Variants in RBFOX3 observed in about 807,000 individuals in gnomAD.
The protein encoded by RBFOX3 is RNA binding protein fox-1 homolog 3.
RBFOX3 carries 17 observed loss-of-function variants against 48.7 expected under a neutral mutation model. That is an observed-to-expected ratio of 0.35 (90% CI 0.24 to 0.52). The LOEUF (loss-of-function observed/expected upper bound fraction) is 0.52. RBFOX3 is among the 20% of genes least tolerant of loss of function. The probability of loss-of-function intolerance (pLI) is 0.94; values close to 1 mark genes in which losing one functional copy is unlikely to be tolerated. For missense variants in RBFOX3, 382 were observed against 497.5 expected (o/e 0.77, Z 2.21); for synonymous variants, 212 against 209.5 (o/e 1.01, Z -0.10).
intron 9 of RBFOX3, chr17:79,099,124 CTT>C (rs927522627): frequency 1.3e-5 from 2 of 152,336 alleles, no homozygotes; most frequent in Non-Finnish European, 2.9e-5. Flanking sequence ...AAGGAAGAAA[CTT>C]TTTTTGGGGG....
chr17:79,572,352 T>C (rs1361083198), intron 1 of RBFOX3, among the ~76,000 whole-genome samples: 1 of 151,948 alleles, frequency 6.6e-6, no homozygotes, highest in African/African-American at 2.4e-5. Context: ...GAGTGGCTTC[T>C]CCTCAGGCAA....
At chr17:79,614,918 C>T (rs942290146), upstream of RBFOX3, among the ~76,000 whole-genome samples, 26 of 152,028 alleles carry the variant, frequency 1.7e-4, no homozygotes, top group African/African-American at 6.0e-4. Context: ...CCATAGGGCC[C>T]CCAGAGAGAA....
intron 14 of RBFOX3, 43 bp downstream of exon 14, chr17:79,094,408 G>C: frequency 7.0e-7 from 1 of 1,424,070 alleles, no homozygotes; most frequent in Non-Finnish European, 9.4e-7. Flanking sequence ...ATGCCCAGCT[G>C]TTAGGACTGG....
chr17:79,537,149 A>G lies in RBFOX3; in HGVS notation c.-319-54551T>C, dbSNP rs191193347. On this transcript the variant is annotated intron_variant, in intron 1 of 14. Coordinates refer to ENST00000693108, the MANE Select transcript of RBFOX3 (RefSeq NM_001350451.2). The stretch of plus-strand genomic sequence containing the variant: ...AAAAAAAACCAAAAAAGCAACACAC[A>G]TTTATCCTCTTACAGTTCAGAGTCT... Among the ~76,000 whole-genome samples, 29 of 152,066 alleles carry G rather than the reference A, an allele frequency of 1.9e-4. No homozygotes were observed. In the East Asian group the frequency reaches 5.4e-3, roughly 28 times the overall value.
chr17:79,300,650 A>G (rs374001438), intron 3 of RBFOX3, among the ~76,000 whole-genome samples: 18 of 152,222 alleles, frequency 1.2e-4, no homozygotes, highest in African/African-American at 4.1e-4. Context: ...TGGAGAGACC[A>G]TTTCGGATAA....
In RBFOX3 at chr17:79,107,082, C is replaced by T. The variant is rs551580786; in HGVS notation, c.223-294G>A. 1.2e-4 allele frequency among the ~76,000 whole-genome samples: 19 copies of T among 152,350 alleles called. No individual in the cohort carries two copies. The South Asian group carries it at 1.9e-3, about 15-fold the overall frequency. On this transcript the variant is annotated intron_variant, in intron 5 of 14. Coordinates refer to ENST00000693108, the MANE Select transcript of RBFOX3 (RefSeq NM_001350451.2). ...AGGCCTCCTGGCCTGCTCTGTTCCCCGCTCCCGCAGCCCAGGCCTGTCCAC... is the reference window on the plus strand; with the variant it reads ...AGGCCTCCTGGCCTGCTCTGTTCCCTGCTCCCGCAGCCCAGGCCTGTCCAC...
At chr17:79,233,084 A>G (rs2061224356) in intron 4 of RBFOX3, among the ~76,000 whole-genome samples, 1 of 152,204 alleles carries the variant, frequency 6.6e-6, no homozygotes, top group South Asian at 2.1e-4. Flanking sequence ...ACAGCCCCAG[A>G]CTGGAAACAG....
intron 4 of RBFOX3, among the ~76,000 whole-genome samples, chr17:79,227,992 G>T (rs2060523355): frequency 6.6e-6 from 1 of 152,194 alleles, no homozygotes; most frequent in African/African-American, 2.4e-5. Flanking sequence ...AAGGGGCCCT[G>T]CGGTCAGCGT....
chr17:79,393,616 C>G (rs1019247919), intron 2 of RBFOX3, among the ~76,000 whole-genome samples: 13 of 152,072 alleles, frequency 8.5e-5, no homozygotes, highest in African/African-American at 3.1e-4. Flanking sequence ...TCACATACAT[C>G]GGAGCCGGTC....
intron 2 of RBFOX3, among the ~76,000 whole-genome samples, chr17:79,455,271 C>T (rs8069280): frequency 0.49 from 74,647 of 151,844 alleles, 19,820 homozygotes; most frequent in Non-Finnish European, 0.59. Context: ...GACGGGGGAG[C>T]GGAGAGGGGG....
intron 1 of RBFOX3, among the ~76,000 whole-genome samples, chr17:79,554,265 C>T (rs1016630626): frequency 2.0e-5 from 3 of 152,060 alleles, no homozygotes; most frequent in Admixed American, 1.3e-4. Context: ...TTTTTATTGG[C>T]TGTGAATTTA....
rs147472360 is a variant in RBFOX3, at chr17:79,097,173, TCC to T, written c.755+117_755+118del. The T allele has an allele frequency of 1.1e-3, 717 of 664,166 alleles. 2 individuals carry two copies. Among genetic ancestry groups the T allele is most frequent in the African/African-American group, 6.8e-3 (331 of 48,994 alleles). The allele number at this position is 664,166 out of a possible 1,614,324, so 41.1% of individuals were successfully genotyped here. On this transcript the variant is annotated intron_variant, in intron 11 of 14. Coordinates refer to ENST00000693108, the MANE Select transcript of RBFOX3 (RefSeq NM_001350451.2). ...CTGAGTTCTGGGGCTCCCACGATCC[TCC>T]CCCCCCCCAGGTCTGGAAAGGCTGC...
At chr17:79,094,792 G>A (rs1257398072) in intron 13 of RBFOX3, among the ~76,000 whole-genome samples, 3 of 151,548 alleles carry the variant, frequency 2.0e-5, no homozygotes, top group Non-Finnish European at 4.4e-5. Flanking sequence ...GAGGGGGTGT[G>A]TTCCACTCAG....
chr17:79,360,963 T>C (rs749220958), intron 2 of RBFOX3, among the ~76,000 whole-genome samples: 9 of 152,100 alleles, frequency 5.9e-5, no homozygotes, highest in Non-Finnish European at 1.3e-4. Context: ...GAGTAATTGT[T>C]GGGAGAGAGA....
the RBFOX3 span, among the ~76,000 whole-genome samples, chr17:79,659,459 C>T: frequency 6.6e-6 from 1 of 151,828 alleles, no homozygotes; most frequent in Non-Finnish European, 1.5e-5. Context: ...AAGACTGGGG[C>T]GGGAAAGCAC....
At chr17:79,474,121 A>AG (rs1491481199) in intron 2 of RBFOX3, among the ~76,000 whole-genome samples, 1 of 103,674 alleles carries the variant, frequency 9.6e-6, no homozygotes, top group Non-Finnish European at 2.3e-5. Flanking sequence ...GTCAATGCAG[A>AG]AAAAAAAAAA....
chr17:79,193,126 G>C (rs763136068), intron 4 of RBFOX3, among the ~76,000 whole-genome samples: 3 of 152,336 alleles, frequency 2.0e-5, no homozygotes, highest in South Asian at 2.1e-4. Flanking sequence ...TTGCTCGGTG[G>C]GGGCAGGGGC....
intron 1 of RBFOX3, among the ~76,000 whole-genome samples, chr17:79,517,077 G>A (rs1294509523): frequency 4.1e-4 from 62 of 152,230 alleles, no homozygotes; most frequent in Non-Finnish European, 1.9e-4. Context: ...TGAAGGTGCC[G>A]AATGCCACTG....
intron 4 of RBFOX3, among the ~76,000 whole-genome samples, chr17:79,137,805 C>G (rs567924374): frequency 3.3e-4 from 51 of 152,314 alleles, no homozygotes; most frequent in African/African-American, 1.2e-3. Flanking sequence ...GTCTGCTCCA[C>G]TTGCTTTATT....
Sources: gnomAD v4.1 joint callset for allele counts (sites outside exome capture counted in the v4.1 genomes callset) on GRCh38, gnomAD v4.1.1 for gene constraint, MANE v1.5 for transcripts, NCBI Gene and HGNC (gene_info 2026-07-23, HGNC 2026-07-21) for gene names.